The following DNHD1 variants were observed in gnomAD, a reference collection of about 807,000 sequenced individuals.
DNHD1 encodes the protein dynein heavy chain domain-containing protein 1.
DNHD1 carries 383 observed loss-of-function variants against 458.1 expected under a neutral mutation model. The observed-to-expected ratio is 0.84, with a 90% CI of 0.77 to 0.91. The LOEUF (loss-of-function observed/expected upper bound fraction) is 0.91. Among genes scored for constraint, DNHD1 ranks in the 40% least tolerant of loss-of-function variants. DNHD1 has a pLI of 0.00. For synonymous variants in DNHD1, 2,203 were observed against 2,376.9 expected, an observed-to-expected ratio of 0.93 and a Z score of 2.13; for missense variants, 5,336 against 5,866.1, an observed-to-expected ratio of 0.91 and a Z score of 2.95.
rs112063106 is a variant in DNHD1 at position 6,547,125 on chromosome 11, C to T, written c.6186C>T (p.Ala2062=). ...TCTTTCCCAAGGTACTTCGTGCAGC[C>T]GGTCAGTGTAACAACATGGGCCAAA... ...HGIFPKVLRA[A]GQCNNMGQKR... The change falls in exon 21 of 43, where the codon GCC becomes GCT. Residue 2062 remains alanine (A), a synonymous_variant. Coordinates refer to ENST00000254579, the MANE Select transcript of DNHD1 (RefSeq NM_144666.3). The T allele has an allele frequency of 2.9e-4, 456 of 1,551,704 alleles. 2 individuals are homozygous for T. In the African/African-American group the frequency reaches 4.9e-3, roughly 17 times the overall value.
At chr11:6,555,593 A>G (rs113778155) in intron 24 of DNHD1, among the ~76,000 whole-genome samples, 18 of 152,346 alleles carry the variant, frequency 1.2e-4, no homozygotes, top group African/African-American at 4.3e-4. Context: ...GGGGGCTCTC[A>G]GAAAAATACT....
At position 6,557,751 on chromosome 11, in the gene DNHD1, T is replaced by A. The variant is rs1182394026; in HGVS notation, c.8456T>A (p.Leu2819Gln). ...CATCCCCAGGAAAAGCCCTCAGACC[T>A]GGTCTTCAGTCAGGAGCTGATACTG... ...LLHPQEKPSD[L>Q]VFSQELILGP... The change falls in exon 25 of 43, where the codon CTG (leucine) becomes CAG (glutamine). Residue 2819 changes from leucine (L) to glutamine (Q), a missense_variant. Coordinates refer to ENST00000254579, the MANE Select transcript of DNHD1 (RefSeq NM_144666.3). 6.4e-7 allele frequency: 1 copy of A among 1,551,702 alleles called. No individual in the cohort carries two copies. The highest frequency in any genetic ancestry group is 1.4e-5 in the African/African-American group (1 of 73,158).
At chr11:6,567,905 G>A in intron 36 of DNHD1, 45 bp downstream of exon 36, 1 of 1,538,458 alleles carries the variant, frequency 6.5e-7, no homozygotes, top group Non-Finnish European at 8.8e-7. Context: ...GGCTCCTGTG[G>A]GCTGGGGCAT....
chr11:6,562,402 G>T (rs1324825920), intron 28 of DNHD1, among the ~76,000 whole-genome samples: 2 of 152,188 alleles, frequency 1.3e-5, no homozygotes, highest in Non-Finnish European at 2.9e-5. Context: ...TGAATACACG[G>T]TATGGGGCAG....
At chr11:6,507,976 T>C (rs1223357015) in intron 4 of DNHD1, among the ~76,000 whole-genome samples, 1 of 152,164 alleles carries the variant, frequency 6.6e-6, no homozygotes, top group Non-Finnish European at 1.5e-5. Context: ...TTCTAGAAAG[T>C]TGAGAGAGAT....
chr11:6,562,439 T>C lies in DNHD1; in HGVS notation c.9520-543T>C, dbSNP rs894290337. ...GAGGGAACCTAGCTAGAGAGAGAGA[T>C]TTGGCAGTTGGAACGTAAGTAGGAA... On this transcript the variant is annotated intron_variant, in intron 28 of 42. Coordinates refer to ENST00000254579, the MANE Select transcript of DNHD1 (RefSeq NM_144666.3). Among the ~76,000 whole-genome samples the C allele has an allele frequency of 5.9e-5, 9 of 151,952 alleles. No individual in the cohort carries two copies. The South Asian group carries it at 1.7e-3, about 28-fold the overall frequency.
chr11:6,522,550 C>G (rs1565001288), intron 10 of DNHD1, among the ~76,000 whole-genome samples: 1 of 152,036 alleles, frequency 6.6e-6, no homozygotes, highest in Admixed American at 6.6e-5. Context: ...ATAATCTGTA[C>G]AAAAAACTCC....
In DNHD1 at chr11:6,567,146, G is replaced by T; in HGVS notation, c.11637G>T (p.Glu3879Asp). Residue 3879 changes from glutamate (E) to aspartate (D), a missense_variant, in exon 36 of 43, where the codon GAG becomes GAT. Transcript: ENST00000254579. ...TGCCACTTTTCTGTATGAGCCCAGA[G>T]AACTGGCTGGCAGTCACTAAGCAGG... ...NLLPLFCMSPENWLAVTKQAL... is the reference protein window; with the variant it reads ...NLLPLFCMSPDNWLAVTKQAL... The T allele has an allele frequency of 1.2e-6, 2 of 1,614,062 alleles. No individual in the cohort carries two copies. The highest frequency in any genetic ancestry group is 1.7e-6 in the Non-Finnish European group (2 of 1,179,896).
intron 13 of DNHD1, 41 bp from the exon 14 acceptor site, chr11:6,533,640 G>C: frequency 6.6e-7 from 1 of 1,513,986 alleles, no homozygotes; most frequent in Non-Finnish European, 8.9e-7. Flanking sequence ...AGAGGTACAT[G>C]GGGTTGTGGG....
At chr11:6,519,129 G>A (rs889196234) in intron 7 of DNHD1, among the ~76,000 whole-genome samples, 1 of 152,122 alleles carries the variant, frequency 6.6e-6, no homozygotes, top group African/African-American at 2.4e-5. Context: ...CTAATAGAAA[G>A]TCTATATCAG....
intron 18 of DNHD1, among the ~76,000 whole-genome samples, chr11:6,540,345 C>G (rs1319329735): frequency 2.0e-5 from 3 of 151,980 alleles, no homozygotes; most frequent in East Asian, 3.9e-4. Flanking sequence ...TCTGGGTACC[C>G]TCAGAAATTC....
rs79908686 is a variant in DNHD1, at chr11:6,540,155, G to C, written c.3628+72G>C. ...CATTTTCATCCACCATATCCATCAA[G>C]GCCTGCCAGATCTGATTCTCTAGCC... On this transcript the variant is annotated intron_variant, in intron 18 of 42. Transcript: ENST00000254579. 640 of 1,339,436 alleles carry C rather than the reference G, an allele frequency of 4.8e-4. 1 individual carries two copies. In the East Asian group the frequency reaches 0.011, roughly 23 times the overall value. The allele number at this position is 1,339,436 out of a possible 1,614,324, so 83.0% of individuals were successfully genotyped here.
In DNHD1 at chr11:6,534,072, A is replaced by G; in HGVS notation, c.2897A>G (p.Asp966Gly). Reference protein sequence around the residue: ...LSGPFMDPTQDQRSTEHQLVS... With the variant: ...LSGPFMDPTQGQRSTEHQLVS... ...GGTCCCTTTATGGACCCCACACAAG[A>G]TCAGAGGAGTACTGAGCACCAGCTC... The change falls in exon 14 of 43, where the codon GAT becomes GGT. Residue 966 changes from aspartate to glycine, a missense_variant. Coordinates refer to ENST00000254579, the MANE Select transcript of DNHD1 (RefSeq NM_144666.3). 1 of 1,551,488 alleles carries G rather than the reference A, an allele frequency of 6.4e-7. No homozygotes were observed. Among genetic ancestry groups the G allele is most frequent in the Non-Finnish European group, 8.7e-7 (1 of 1,146,952 alleles).
intron 24 of DNHD1, among the ~76,000 whole-genome samples, chr11:6,551,762 G>A (rs1173772610): frequency 6.6e-6 from 1 of 152,228 alleles, no homozygotes; most frequent in Admixed American, 6.5e-5. Flanking sequence ...CCAACATGGT[G>A]AAACCCCGTC....
Position 6,533,699 on chromosome 11 carries a change from C to G in DNHD1, c.2524C>G (p.Gln842Glu), listed in dbSNP as rs923419890. The change falls in exon 14 of 43, where the codon CAG becomes GAG. Residue 842 changes from glutamine to glutamate, a missense_variant. Coordinates refer to ENST00000254579, the MANE Select transcript of DNHD1 (RefSeq NM_144666.3). The stretch of plus-strand genomic sequence containing the variant: ...CCTGCAGTTGAATGAAGCCAATGAA[C>G]AGTACGTCGAGCTGGAGGAGCGAAT... ...CTQKLNEANE[Q>E]YVELEERMEY... 1.3e-5 allele frequency: 20 copies of G among 1,549,470 alleles called. No homozygotes were observed. Among genetic ancestry groups the G allele is most frequent in the African/African-American group, 8.2e-5 (6 of 72,994 alleles).
In DNHD1 at chr11:6,547,451, A is replaced by AGCTGCCT; in HGVS notation, c.6514_6515insTGCCTGC (p.His2172LeufsTer8). On this transcript the variant is annotated frameshift_variant, in exon 21 of 43. Transcript: ENST00000254579. LOFTEE classifies it high-confidence loss of function. The stretch of plus-strand genomic sequence containing the variant: ...TCCCTTCCTTATGAGTACCGCCTGC[A>AGCTGCCT]GCACCGGACAGTCGCTGAGCTCAAC... The AGCTGCCT allele has an allele frequency of 6.4e-7, 1 of 1,551,408 alleles. No homozygotes were observed. The highest frequency in any genetic ancestry group is 8.7e-7 in the Non-Finnish European group (1 of 1,146,716).
Position 6,563,553 on chromosome 11 carries a change from G to A in DNHD1, c.9841G>A (p.Asp3281Asn), listed in dbSNP as rs532108028. 9 of 1,551,614 alleles carry A rather than the reference G, an allele frequency of 5.8e-6. No homozygotes were observed. Among genetic ancestry groups the A allele is most frequent in the Admixed American group, 2.0e-5 (1 of 51,006 alleles). ...TGCCAAACAGCTGTTATGCACTGAG[G>A]ATTTTTATCAGGTAGGAAGGGTGGA... The part of the protein sequence containing the change: ...ASAKQLLCTE[D>N]FYQELVFFPK... Residue 3281 changes from aspartate (D) to asparagine (N), a missense_variant, in exon 30 of 43, where the codon GAT becomes AAT. Transcript: ENST00000254579.
chr11:6,567,220 C>A lies in DNHD1; in HGVS notation c.11711C>A (p.Ala3904Asp). The A allele has an allele frequency of 6.2e-7, 1 of 1,613,956 alleles. No individual in the cohort carries two copies. The highest frequency in any genetic ancestry group is 1.6e-4 in the Middle Eastern group (1 of 6,062). ...GAGATTAATCACGGGGAGGACCTGG[C>A]CAGCCATCTACTGCAATTGAGAGCA... Reference protein sequence around the residue: ...PREINHGEDLASHLLQLRAHL... With the variant: ...PREINHGEDLDSHLLQLRAHL... The change falls in exon 36 of 43, where the codon GCC (alanine) becomes GAC (aspartate). Residue 3904 changes from alanine (A) to aspartate (D), a missense_variant. Around this residue, in one of 4 missense-constraint regions of DNHD1, gnomAD observed 695 missense variants for 804.2 expected, o/e 0.86. Transcript: ENST00000254579.
intron 39 of DNHD1, 57 bp downstream of exon 39, chr11:6,568,923 T>C (rs894214844): frequency 2.4e-5 from 36 of 1,517,178 alleles, no homozygotes; most frequent in Non-Finnish European, 3.1e-5. Flanking sequence ...ATTGAGTATC[T>C]TCCATATGCT....
Sources: gnomAD v4.1 joint callset for allele counts (sites outside exome capture counted in the v4.1 genomes callset) on GRCh38, gnomAD v4.1.1 for gene constraint, gnomAD v4.1.1 regional missense constraint, MANE v1.5 for transcripts, NCBI Gene and HGNC (gene_info 2026-07-23, HGNC 2026-07-21) for gene names.